LMO3: variants seen among roughly 807,000 people sequenced by gnomAD.
The protein encoded by LMO3 is LIM domain only 3, also known as LIM domain only protein 3.
LMO3 carries 2 observed loss-of-function variants against 15.8 expected under a neutral mutation model. That is an observed-to-expected ratio of 0.13 (90% CI 0.05 to 0.40). The LOEUF is 0.40. Among genes scored for constraint, LMO3 ranks in the 10% least tolerant of loss-of-function variants. The pLI, the probability that LMO3 is intolerant of heterozygous loss-of-function variation, is 0.99. For missense variants in LMO3, 86 were observed against 182.2 expected (o/e 0.47, Z 3.04); for synonymous variants, 62 against 63.8 (o/e 0.97, Z 0.13).
intron 3 of LMO3, among the ~76,000 whole-genome samples, chr12:16,553,602 G>A (rs989327878): frequency 2.6e-5 from 4 of 152,050 alleles, no homozygotes; most frequent in African/African-American, 7.2e-5. Flanking sequence ...AAGATGAAAC[G>A]AACATGGATG....
At chr12:16,608,398 C>T (rs1944069861), upstream of LMO3, 1 of 152,154 alleles carries the variant, frequency 6.6e-6, no homozygotes, top group Non-Finnish European at 1.5e-5. The surrounding 1 kb of genome is among the most constrained non-coding windows in gnomAD (Gnocchi z 4.1). Context: ...TTCATGGCAA[C>T]TGATTAGTGC....
chr12:16,608,799 A>C (rs1944077070), upstream of LMO3: 1 of 152,276 alleles, frequency 6.6e-6, no homozygotes, highest in South Asian at 2.1e-4. The surrounding 1 kb of genome is among the most constrained non-coding windows in gnomAD (Gnocchi z 4.1). Context: ...TGTGTAAAGG[A>C]ATAAAATGGA....
intron 2 of LMO3, among the ~76,000 whole-genome samples, chr12:16,577,367 T>G (rs1943026818): frequency 6.6e-6 from 1 of 152,168 alleles, no homozygotes; most frequent in Non-Finnish European, 1.5e-5. Context: ...CTAAATAAGC[T>G]GAGTTATTAA....
At chr12:16,588,520 A>G (rs1182523283) in intron 2 of LMO3, among the ~76,000 whole-genome samples, 3 of 152,244 alleles carry the variant, frequency 2.0e-5, no homozygotes, top group African/African-American at 7.2e-5. Context: ...GAGAGCATGG[A>G]TATATAAGGT....
Position 16,598,980 on chromosome 12 carries a change from A to G in LMO3, c.206+1675T>C. 1 of 291,928 alleles carries G rather than the reference A, an allele frequency of 3.4e-6. No individual in the cohort carries two copies. The highest frequency in any genetic ancestry group is 6.9e-6 in the Non-Finnish European group (1 of 145,632). 18.1% of individuals were successfully genotyped at this position (291,928 alleles called of 1,614,324 possible). A position where few individuals can be genotyped will look rare whatever the true frequency, so the allele number is the denominator to read the frequency against. ...TCCACTTGAGATACTGAAATTACAA[A>G]CAAATGTAAAAGTCAAAAGGAGTCA... On this transcript the variant is annotated intron_variant, in intron 2 of 3. Coordinates refer to ENST00000537304, the MANE Select transcript of LMO3 (RefSeq NM_018640.5). The surrounding 1 kb of genome is among the most constrained non-coding windows in gnomAD (Gnocchi z 4.3).
intron 2 of LMO3, among the ~76,000 whole-genome samples, chr12:16,569,513 C>T (rs567422441): frequency 5.9e-5 from 9 of 152,110 alleles, no homozygotes; most frequent in East Asian, 5.8e-4. Context: ...CAAAGCCTTA[C>T]GAGCAGGTGT....
At chr12:16,605,180 T>C in intron 1 of LMO3, 1 of 1,355,160 alleles carries the variant, frequency 7.4e-7, no homozygotes, top group Non-Finnish European at 9.5e-7. Context: ...ACTCTGCCCG[T>C]AATCCTAAAA....
chr12:16,573,476 G>GTATAAATAAATA (rs1942890305), intron 2 of LMO3: 3 of 152,146 alleles, frequency 2.0e-5, no homozygotes, highest in Non-Finnish European at 2.9e-5. Context: ...TATAAATAAA[G>GTATAAATAAATA]TACTAACCTA....
Position 16,586,034 on chromosome 12 carries a change from A to G in LMO3, c.206+14621T>C, listed in dbSNP as rs1209187827. ...ACTGATGTTTTTGCAGCTGTTAATG[A>G]AAATCTTCAACACAGGAAAACAGCA... is the stretch of plus-strand genomic sequence containing the variant. On this transcript the variant is annotated intron_variant, in intron 2 of 3. Transcript: ENST00000537304. The surrounding 1 kb of genome is among the most constrained non-coding windows in gnomAD (Gnocchi z 4.3). 2.0e-5 allele frequency among the ~76,000 whole-genome samples: 3 copies of G among 152,192 alleles called. No homozygotes were observed. The highest frequency in any genetic ancestry group is 2.0e-4 in the Admixed American group (3 of 15,270).
upstream of LMO3, chr12:16,607,479 C>T (rs546306748): frequency 2.7e-5 from 4 of 150,778 alleles, no homozygotes; most frequent in East Asian, 1.9e-4. Flanking sequence ...CTCCTCTCCT[C>T]TTAACTTTCC....
chr12:16,566,758 T>G (rs1942626771), intron 2 of LMO3, among the ~76,000 whole-genome samples: 1 of 152,102 alleles, frequency 6.6e-6, no homozygotes, highest in Non-Finnish European at 1.5e-5. Context: ...TTGCTGAAAG[T>G]TCAACGTATA....
intron 2 of LMO3, among the ~76,000 whole-genome samples, chr12:16,562,697 C>T (rs539232298): frequency 3.3e-5 from 5 of 152,226 alleles, no homozygotes; most frequent in Non-Finnish European, 7.3e-5. Flanking sequence ...GCCTGCTATA[C>T]TGTGAACAAC....
upstream of LMO3, chr12:16,607,764 AT>A (rs1944048191): frequency 7.2e-6 from 1 of 139,846 alleles, no homozygotes; most frequent in Non-Finnish European, 1.6e-5. Flanking sequence ...TAAAAAAAAA[AT>A]CAAAGCACCC....
At chr12:16,551,921 CTTTG>C (rs924908069) in intron 3 of LMO3, among the ~76,000 whole-genome samples, 6 of 151,874 alleles carry the variant, frequency 4.0e-5, no homozygotes, top group Non-Finnish European at 5.9e-5. Context: ...AGCCATTTTC[CTTTG>C]TTTGTGGCAA....
At position 16,594,444 on chromosome 12, in the gene LMO3, T is replaced by C. The variant is rs960582559; in HGVS notation, c.206+6211A>G. On this transcript the variant is annotated intron_variant, in intron 2 of 3. Coordinates refer to ENST00000537304, the MANE Select transcript of LMO3 (RefSeq NM_018640.5). ...GAACAGAGTATTGCTATTTTTATTTTTATTCCCTTTGTTTTCCAGATCTTG... is the reference window on the plus strand; with the variant it reads ...GAACAGAGTATTGCTATTTTTATTTCTATTCCCTTTGTTTTCCAGATCTTG... The C allele has an allele frequency of 6.4e-6, 3 of 466,838 alleles. No individual in the cohort carries two copies. The East Asian group carries it at 9.6e-5, about 15-fold the overall frequency. The allele number at this position is 466,838 out of a possible 1,614,324, so 28.9% of individuals were successfully genotyped here.
chr12:16,549,730 T>G lies in LMO3; in HGVS notation c.*1492A>C, dbSNP rs1482265715. Reference sequence around the variant, plus strand: ...CAAAATTAGATTTGTTGAAAAGTAGTTCTATTACAGGGAGCAAAAGCAAAG... The same window carrying G: ...CAAAATTAGATTTGTTGAAAAGTAGGTCTATTACAGGGAGCAAAAGCAAAG... On this transcript the variant is annotated 3_prime_UTR_variant, in exon 4 of 4. Coordinates refer to ENST00000537304, the MANE Select transcript of LMO3 (RefSeq NM_018640.5). 6.6e-6 allele frequency: 1 copy of G among 152,104 alleles called. No homozygotes were observed. The highest frequency in any genetic ancestry group is 2.4e-5 in the African/African-American group (1 of 41,446). The allele number at this position is 152,104 out of a possible 1,614,324, so 9.4% of individuals were successfully genotyped here.
At chr12:16,609,001 T>G (rs1944079301), upstream of LMO3, 1 of 152,148 alleles carries the variant, frequency 6.6e-6, no homozygotes, top group Non-Finnish European at 1.5e-5. Flanking sequence ...AATCACGCAA[T>G]TTACAGCAAG....
In LMO3 at chr12:16,589,822, G is replaced by T. The variant is rs761563699; in HGVS notation, c.206+10833C>A. Among the ~76,000 whole-genome samples the T allele has an allele frequency of 1.3e-4, 20 of 152,052 alleles. No homozygotes were observed. Among genetic ancestry groups the T allele is most frequent in the Non-Finnish European group, 2.6e-4 (18 of 67,990 alleles). On this transcript the variant is annotated intron_variant, in intron 2 of 3. Coordinates refer to ENST00000537304, the MANE Select transcript of LMO3 (RefSeq NM_018640.5). The surrounding 1 kb of genome is among the most constrained non-coding windows in gnomAD (Gnocchi z 4.2). ...GCATCTGCCAGGAAGAACAGAGGGG[G>T]ACTGTTAGAAATTGTAACAGAAAAA...
At chr12:16,600,291 C>CAAAAAAAAAAAAAAAAAAAAA (rs35993210) in intron 2 of LMO3, 18 of 69,672 alleles carry the variant, frequency 2.6e-4, no homozygotes, top group South Asian at 1.0e-3. Context: ...CCTTAAGCTC[C>CAAAAAAAAAAAAAAAAAAAAA]AAAAAAAAAA....
Sources: allele counts gnomAD v4.1 joint callset (sites outside exome capture counted in the v4.1 genomes callset), GRCh38; gene constraint gnomAD v4.1.1; non-coding constraint Gnocchi (gnomAD v3.1); transcripts MANE v1.5; gene names NCBI Gene and HGNC (gene_info 2026-07-23, HGNC 2026-07-21).